Variants in FRAS1 observed in about 807,000 individuals in gnomAD.
FRAS1 encodes extracellular matrix organizing protein FRAS1.
Under a neutral mutation model 435.2 loss-of-function variants are expected in FRAS1, and 290 were observed. The observed-to-expected ratio is 0.67, with a 90% confidence interval of 0.61 to 0.73. FRAS1 has a LOEUF of 0.73. FRAS1 is among the 30% of genes least tolerant of loss of function. The probability of loss-of-function intolerance (pLI) is 0.00; values close to 1 mark genes in which losing one functional copy is unlikely to be tolerated. For missense variants in FRAS1, 4,860 were observed against 5,001.5 expected, an observed-to-expected ratio of 0.97 and a Z score of 0.85; for synonymous variants, 1,800 against 1,851.0, an observed-to-expected ratio of 0.97 and a Z score of 0.71.
chr4:78,335,786 C>A (rs444500), intron 19 of FRAS1, among the ~76,000 whole-genome samples: 14,609 of 151,982 alleles, frequency 0.096, 2,110 homozygotes, highest in African/African-American at 0.32. Flanking sequence ...TTTAAGATCA[C>A]CTTTATGTTT....
intron 13 of FRAS1, among the ~76,000 whole-genome samples, chr4:78,284,942 G>T (rs1252403990): frequency 6.6e-6 from 1 of 152,168 alleles, no homozygotes; most frequent in Non-Finnish European, 1.5e-5. Context: ...AGACCTTCAA[G>T]ATCATTTACT....
chr4:78,220,899 T>G (rs1724023694), intron 2 of FRAS1, among the ~76,000 whole-genome samples: 1 of 152,152 alleles, frequency 6.6e-6, no homozygotes, highest in African/African-American at 2.4e-5. Flanking sequence ...TAATACAGGC[T>G]GGGCATGGTG....
rs183168522 is a variant in FRAS1 at position 78,377,842 on chromosome 4, C to G, written c.3293-1884C>G. ...TCCCGAGGTCCTACCCAAGAACATC[C>G]AAGTCAGAAGCTCTGGCAGTGGAGC... On this transcript the variant is annotated intron_variant, in intron 26 of 73. Coordinates refer to ENST00000512123, the MANE Select transcript of FRAS1 (RefSeq NM_025074.7). Among the ~76,000 whole-genome samples, 618 of 151,406 alleles carry G rather than the reference C, an allele frequency of 4.1e-3. 3 individuals carry two copies. The highest frequency in any genetic ancestry group is 6.6e-3 in the Non-Finnish European group (449 of 68,012).
rs541687943 is a variant in FRAS1 at position 78,466,075 on chromosome 4, A to G, written c.7030-133A>G. 5.9e-5 allele frequency: 39 copies of G among 657,994 alleles called. No homozygotes were observed. In the African/African-American group the frequency reaches 6.3e-4, roughly 11 times the overall value. 40.8% of individuals were successfully genotyped at this position (657,994 alleles called of 1,614,324 possible). A position where few individuals can be genotyped will look rare whatever the true frequency, so the allele number is the denominator to read the frequency against. On this transcript the variant is annotated intron_variant, in intron 49 of 73. Coordinates refer to ENST00000512123, the MANE Select transcript of FRAS1 (RefSeq NM_025074.7). Reference sequence around the variant, plus strand: ...CTCTTTAGCTCTATCTTTGGTGTCTATAAAGAAAATACAGTCCTTACTTTA... The same window carrying G: ...CTCTTTAGCTCTATCTTTGGTGTCTGTAAAGAAAATACAGTCCTTACTTTA...
intron 18 of FRAS1, among the ~76,000 whole-genome samples, chr4:78,322,490 A>G (rs1031553719): frequency 1.3e-5 from 2 of 152,070 alleles, no homozygotes; most frequent in African/African-American, 2.4e-5. Flanking sequence ...GTTTTCTAGA[A>G]CTCTCCTTCC....
intron 67 of FRAS1, among the ~76,000 whole-genome samples, chr4:78,520,032 C>A (rs1325862684): frequency 2.0e-5 from 3 of 152,118 alleles, no homozygotes; most frequent in African/African-American, 7.2e-5. Context: ...TTCCCTCAGG[C>A]TCATCCCCAT....
At chr4:78,519,273 G>GT (rs1295355697) in intron 66 of FRAS1, 58 bp from the exon 67 acceptor site, 109 of 1,419,858 alleles carry the variant, frequency 7.7e-5, no homozygotes, top group Non-Finnish European at 9.9e-5. Context: ...TGTGGTGATA[G>GT]TATGTCTTTT....
chr4:78,338,009 TCTA>T (rs1730245518), intron 20 of FRAS1, 192 bp downstream of exon 20: 3 of 570,610 alleles, frequency 5.3e-6, no homozygotes, highest in Non-Finnish European at 9.4e-6. Context: ...AAATAGAACT[TCTA>T]ATAATACTCT....
intron 29 of FRAS1, among the ~76,000 whole-genome samples, chr4:78,389,429 A>G (rs1732359090): frequency 6.6e-6 from 1 of 151,548 alleles, no homozygotes; most frequent in Admixed American, 6.6e-5. Context: ...ATCTAATATG[A>G]TCTGCTAGGT....
chr4:78,085,747 C>A (rs1560512892), intron 2 of FRAS1, among the ~76,000 whole-genome samples: 1 of 152,054 alleles, frequency 6.6e-6, no homozygotes, highest in Non-Finnish European at 1.5e-5. Flanking sequence ...TATATGCACC[C>A]AATACAGGAG....
intron 52 of FRAS1, 81 bp downstream of exon 52, chr4:78,472,411 C>G (rs369887949): frequency 6.3e-6 from 8 of 1,267,806 alleles, no homozygotes; most frequent in Non-Finnish European, 8.5e-6. Flanking sequence ...CTTCTCACAG[C>G]CACTTCCAGC....
At chr4:78,320,556 T>C (rs892670243) in intron 18 of FRAS1, among the ~76,000 whole-genome samples, 2 of 152,090 alleles carry the variant, frequency 1.3e-5, no homozygotes, top group African/African-American at 4.8e-5. Context: ...AAAACCTATG[T>C]CCCCTAAAGA....
rs563686277 is a variant in FRAS1 at position 78,124,504 on chromosome 4, G to T, written c.108+58488G>T. On this transcript the variant is annotated intron_variant, in intron 2 of 73. Transcript: ENST00000512123. ...TGGCCTCATAAAATGAGTTAGGGAG[G>T]ATTCTATCTTTTTCTATTGATCAGA... 1.2e-4 allele frequency among the ~76,000 whole-genome samples: 19 copies of T among 152,320 alleles called. 2 individuals carry two copies. Among genetic ancestry groups the T allele is most frequent in the African/African-American group, 4.3e-4 (18 of 41,560 alleles).
intron 4 of FRAS1, among the ~76,000 whole-genome samples, chr4:78,247,383 T>C (rs2110126620): frequency 6.6e-6 from 1 of 152,346 alleles, no homozygotes; most frequent in East Asian, 1.9e-4. Flanking sequence ...ATTTCAAAAC[T>C]ATAGTTTTTT....
At chr4:78,429,943 C>T (rs1734147376) in intron 36 of FRAS1, among the ~76,000 whole-genome samples, 2 of 152,144 alleles carry the variant, frequency 1.3e-5, no homozygotes. Flanking sequence ...CAATGAAATG[C>T]CAAACAATTT....
At chr4:78,137,899 G>A (rs79033394) in intron 2 of FRAS1, among the ~76,000 whole-genome samples, 121 of 152,316 alleles carry the variant, frequency 7.9e-4, no homozygotes, top group African/African-American at 2.8e-3. Context: ...AGTTAATATA[G>A]GCAATAGTAT....
At chr4:78,076,927 C>T (rs1017544222) in intron 2 of FRAS1, among the ~76,000 whole-genome samples, 9 of 152,140 alleles carry the variant, frequency 5.9e-5, no homozygotes, top group Non-Finnish European at 1.3e-4. Flanking sequence ...TAACACCAGT[C>T]AGGAGATTAA....
Position 78,363,975 on chromosome 4 carries a change from C to T in FRAS1, c.2643C>T (p.Asn881=). Residue 881 remains asparagine (N), a synonymous_variant, in exon 22 of 74, where the codon AAC becomes AAT. Transcript: ENST00000512123. ...GPFSCSSCDT[N]LVLSHTGTCS... is the part of the protein sequence containing the mutation. ...TCTCCTGCTCCTCATGTGACACCAA[C>T]CTCGTGCTGTCCCACACTGGCACCT... 6.2e-7 allele frequency: 1 copy of T among 1,612,570 alleles called. No individual in the cohort carries two copies. The highest frequency in any genetic ancestry group is 8.5e-7 in the Non-Finnish European group (1 of 1,179,216).
chr4:78,357,964 T>C (rs10032457), intron 20 of FRAS1, among the ~76,000 whole-genome samples: 15,620 of 152,148 alleles, frequency 0.1, 898 homozygotes, highest in African/African-American at 0.15. Context: ...ATAAGTATAG[T>C]GTCTTTGTAG....
Sources: allele counts gnomAD v4.1 joint callset (sites outside exome capture counted in the v4.1 genomes callset), GRCh38; gene constraint gnomAD v4.1.1; transcripts MANE v1.5; gene names NCBI Gene and HGNC (gene_info 2026-07-23, HGNC 2026-07-21).